Variants in BAZ2B observed in about 807,000 individuals in gnomAD.
BAZ2B encodes the protein bromodomain adjacent to zinc finger domain 2B.
BAZ2B carries 91 observed loss-of-function variants against 246.0 expected under a neutral mutation model. That is an observed-to-expected ratio of 0.37 (90% CI 0.31 to 0.44). The LOEUF (loss-of-function observed/expected upper bound fraction) is 0.44, where lower values mean the gene tolerates loss of function less well. Ranked by LOEUF, BAZ2B falls within the 20% of genes least tolerant of loss-of-function variation. The probability of loss-of-function intolerance (pLI) is 1.00; values close to 1 mark genes in which losing one functional copy is unlikely to be tolerated. For missense variants in BAZ2B, 2,332 were observed against 2,533.7 expected, an observed-to-expected ratio of 0.92 and a Z score of 1.71; for synonymous variants, 855 against 860.0, an observed-to-expected ratio of 0.99 and a Z score of 0.10.
At chr2:159,577,341 C>G (rs1390006787) in intron 1 of BAZ2B, among the ~76,000 whole-genome samples, 1 of 152,088 alleles carries the variant, frequency 6.6e-6, no homozygotes, top group Non-Finnish European at 1.5e-5. Context: ...TGTATATTTA[C>G]AGGGAAGAGC....
At chr2:159,565,341 A>C (rs2090279571) in intron 1 of BAZ2B, among the ~76,000 whole-genome samples, 1 of 152,258 alleles carries the variant, frequency 6.6e-6, no homozygotes, top group African/African-American at 2.4e-5. Flanking sequence ...ATGGTACTAT[A>C]CCTAGAGGGG....
intron 13 of BAZ2B, 102 bp downstream of exon 13, chr2:159,427,839 A>T: frequency 1.1e-6 from 1 of 877,334 alleles, no homozygotes; most frequent in Non-Finnish European, 1.8e-6. Flanking sequence ...CATATGAACT[A>T]ATTAAAGAAA....
intron 27 of BAZ2B, among the ~76,000 whole-genome samples, chr2:159,365,325 G>A (rs765691912): frequency 6.6e-6 from 1 of 152,090 alleles, no homozygotes; most frequent in Non-Finnish European, 1.5e-5. Context: ...TGTCTGGTCC[G>A]GGTGACCTCT....
the BAZ2B span, among the ~76,000 whole-genome samples, chr2:159,648,559 T>A: frequency 6.6e-6 from 1 of 152,220 alleles, no homozygotes; most frequent in African/African-American, 2.4e-5. Flanking sequence ...GAAGTTCATA[T>A]AAATAAGATC....
At chr2:159,439,496 A>T (rs1171427025) in intron 6 of BAZ2B, among the ~76,000 whole-genome samples, 1 of 152,250 alleles carries the variant, frequency 6.6e-6, no homozygotes, top group Non-Finnish European at 1.5e-5. Context: ...TTCAAAATGT[A>T]TGACAGATTA....
chr2:159,433,941 T>C (rs1279129609), intron 8 of BAZ2B: 1 of 152,590 alleles, frequency 6.6e-6, no homozygotes, highest in Admixed American at 6.5e-5. Flanking sequence ...TTAAATGTAC[T>C]GAAAACACTT....
the BAZ2B span, among the ~76,000 whole-genome samples, chr2:159,633,738 C>CTTTTTTTTT: frequency 8.3e-6 from 1 of 120,282 alleles, no homozygotes; most frequent in African/African-American, 3.1e-5. Flanking sequence ...TCACTTTATT[C>CTTTTTTTTT]TTTTTTTTTT....
chr2:159,407,535 A>C (rs1247260722), intron 14 of BAZ2B, among the ~76,000 whole-genome samples: 1 of 152,178 alleles, frequency 6.6e-6, no homozygotes, highest in Non-Finnish European at 1.5e-5. Context: ...TCTTTAAGCA[A>C]AGTTTAAATG....
At chr2:159,362,142 A>T (rs947486679) in intron 27 of BAZ2B, among the ~76,000 whole-genome samples, 25 of 139,512 alleles carry the variant, frequency 1.8e-4, no homozygotes, top group Non-Finnish European at 3.8e-4. Context: ...CAAACAAATT[A>T]AAAAAAAACA....
At chr2:159,523,984 G>A (rs1387307498) in intron 2 of BAZ2B, among the ~76,000 whole-genome samples, 1 of 152,142 alleles carries the variant, frequency 6.6e-6, no homozygotes. Flanking sequence ...GTGGTAATAT[G>A]AGGAATAAGA....
At chr2:159,497,474 T>C (rs2081283548) in intron 2 of BAZ2B, among the ~76,000 whole-genome samples, 2 of 152,320 alleles carry the variant, frequency 1.3e-5, no homozygotes, top group South Asian at 2.1e-4. Flanking sequence ...GTGGGCCACA[T>C]GGTCCCATTC....
the BAZ2B span, chr2:159,690,060 A>C: frequency 2.3e-6 from 1 of 440,702 alleles, no homozygotes; most frequent in Non-Finnish European, 4.1e-6. Flanking sequence ...TGTCTTCAGT[A>C]ATCAGTTTGA....
chr2:159,449,990 A>G (rs2074824131), intron 4 of BAZ2B, among the ~76,000 whole-genome samples: 1 of 152,110 alleles, frequency 6.6e-6, no homozygotes, highest in African/African-American at 2.4e-5. Context: ...TGGGCAACAG[A>G]GAGAGACCCT....
Position 159,349,082 on chromosome 2 carries a change from C to A in BAZ2B, c.5062G>T (p.Ala1688Ser). Residue 1688 changes from alanine to serine, a missense_variant, in exon 29 of 37, where the codon GCC becomes TCC. Transcript: ENST00000392783. ...ACAGCTGCAGGTTGAGCTGAAGTGG[C>A]CTTTTCATTCTGTGGTACTGGAGAT... The part of the protein sequence containing the change: ...SESPVPQNEK[A>S]TSAQPAAVEV... 1 of 1,614,064 alleles carries A rather than the reference C, an allele frequency of 6.2e-7. No individual in the cohort carries two copies. Among genetic ancestry groups the A allele is most frequent in the Non-Finnish European group, 8.5e-7 (1 of 1,179,988 alleles).
chr2:159,325,041 TATTATATATA>T (rs1369662562), intron 35 of BAZ2B, 87 bp from the exon 36 acceptor site: 2 of 45,402 alleles, frequency 4.4e-5, no homozygotes, highest in Non-Finnish European at 9.7e-5. Flanking sequence ...ATTATATATA[TATTATATATA>T]TATATATATT....
At chr2:159,580,049 G>A (rs563785525) in intron 1 of BAZ2B, among the ~76,000 whole-genome samples, 7 of 152,300 alleles carry the variant, frequency 4.6e-5, no homozygotes, top group Admixed American at 2.0e-4. Flanking sequence ...ATTCAACATA[G>A]TGTTGGAAGT....
intron 36 of BAZ2B, among the ~76,000 whole-genome samples, chr2:159,323,753 G>A (rs1339565266): frequency 6.7e-6 from 1 of 149,820 alleles, no homozygotes; most frequent in Non-Finnish European, 1.5e-5. Flanking sequence ...GCAGTGAGCC[G>A]AGATGCACCA....
At chr2:159,323,687 C>T (rs2063038680) in intron 36 of BAZ2B, among the ~76,000 whole-genome samples, 1 of 151,772 alleles carries the variant, frequency 6.6e-6, no homozygotes, top group Non-Finnish European at 1.5e-5. Context: ...ACCTGTAATC[C>T]CAGCTACTTG....
At chr2:159,446,100 C>T (rs566692290) in intron 6 of BAZ2B, among the ~76,000 whole-genome samples, 1 of 151,786 alleles carries the variant, frequency 6.6e-6, no homozygotes, top group African/African-American at 2.4e-5. Context: ...TGCAACAGAG[C>T]CAGACTCTGT....
Sources: allele counts gnomAD v4.1 joint callset (sites outside exome capture counted in the v4.1 genomes callset), GRCh38; gene constraint gnomAD v4.1.1; transcripts MANE v1.5; gene names NCBI Gene and HGNC (gene_info 2026-07-23, HGNC 2026-07-21).